The following SIPA1L2 variants were observed in gnomAD, a reference collection of about 807,000 sequenced individuals.
The protein encoded by SIPA1L2 is signal induced proliferation associated 1 like 2, also known as signal-induced proliferation-associated 1-like protein 2.
SIPA1L2 carries 56 observed loss-of-function variants against 163.9 expected under a neutral mutation model. The observed-to-expected ratio is 0.34, with a 90% CI of 0.28 to 0.43. The LOEUF (loss-of-function observed/expected upper bound fraction) is 0.43. Among genes scored for constraint, SIPA1L2 ranks in the 20% least tolerant of loss-of-function variants. The pLI, the probability that SIPA1L2 is intolerant of heterozygous loss-of-function variation, is 1.00. For missense variants in SIPA1L2, 1,974 were observed against 2,193.5 expected, an observed-to-expected ratio of 0.90 and a Z score of 2.00; for synonymous variants, 877 against 865.7, an observed-to-expected ratio of 1.01 and a Z score of -0.23.
At chr1:232,614,266 C>G (rs1006857026) in intron 1 of SIPA1L2, among the ~76,000 whole-genome samples, 1 of 151,996 alleles carries the variant, frequency 6.6e-6, no homozygotes, top group Admixed American at 6.5e-5. Flanking sequence ...AAATGTTTAC[C>G]CATTAATGGA....
chr1:232,426,664 A>G (rs1661925970), intron 17 of SIPA1L2, among the ~76,000 whole-genome samples: 3 of 152,182 alleles, frequency 2.0e-5, no homozygotes, highest in Admixed American at 2.0e-4. Context: ...CGTCTTGGAA[A>G]AAAAAAAAGT....
intron 1 of SIPA1L2, among the ~76,000 whole-genome samples, chr1:232,620,648 T>C (rs914095662): frequency 2.0e-5 from 3 of 152,234 alleles, no homozygotes; most frequent in Non-Finnish European, 4.4e-5. Flanking sequence ...CAGATTTAAC[T>C]GCCCTAAAAT....
At chr1:232,410,612 C>T (rs1225796527) in intron 19 of SIPA1L2, among the ~76,000 whole-genome samples, 1 of 151,928 alleles carries the variant, frequency 6.6e-6, no homozygotes, top group Non-Finnish European at 1.5e-5. Context: ...TAACTGTAAA[C>T]TTATTATTTT....
At chr1:232,447,130 G>A (rs1015982473) in intron 10 of SIPA1L2, among the ~76,000 whole-genome samples, 2 of 152,188 alleles carry the variant, frequency 1.3e-5, no homozygotes, top group Non-Finnish European at 2.9e-5. Flanking sequence ...AAAAAATAAT[G>A]TAAACTATCT....
chr1:232,486,421 CA>C (rs1278393738), intron 5 of SIPA1L2, among the ~76,000 whole-genome samples: 1 of 152,158 alleles, frequency 6.6e-6, no homozygotes, highest in Non-Finnish European at 1.5e-5. Context: ...GGATCTAGAA[CA>C]GGATTTGCAT....
Position 232,465,546 on chromosome 1 carries a change from A to T in SIPA1L2, c.2244-130T>A. On this transcript the variant is annotated intron_variant, in intron 8 of 22. Transcript: ENST00000674635. This position sits in a 1 kb window ranked among gnomAD's most constrained non-coding sequence, Gnocchi z 4.1. ...CACACACACACACATATACATACACACATACACACACACTTTCAACTTAAC... is the reference window on the plus strand; with the variant it reads ...CACACACACACACATATACATACACTCATACACACACACTTTCAACTTAAC... 1.3e-6 allele frequency: 1 copy of T among 743,708 alleles called. No individual in the cohort carries two copies. The allele number at this position is 743,708 out of a possible 1,614,324, so 46.1% of individuals were successfully genotyped here.
chr1:232,466,998 T>C (rs1664554366), intron 8 of SIPA1L2, among the ~76,000 whole-genome samples: 1 of 152,184 alleles, frequency 6.6e-6, no homozygotes, highest in African/African-American at 2.4e-5. Flanking sequence ...GTTTTCATCA[T>C]TGTGGAAAAT....
intron 1 of SIPA1L2, among the ~76,000 whole-genome samples, chr1:232,576,684 C>A (rs1285676): frequency 6.6e-6 from 1 of 152,104 alleles, no homozygotes; most frequent in African/African-American, 2.4e-5. Flanking sequence ...AAGCCTCTTG[C>A]GCCAAACAGC....
intron 10 of SIPA1L2, among the ~76,000 whole-genome samples, chr1:232,457,174 A>G (rs917581079): frequency 2.7e-5 from 4 of 147,104 alleles, no homozygotes; most frequent in African/African-American, 7.5e-5. Context: ...TACTTTTCCT[A>G]CTAAAGACTG....
chr1:232,528,078 T>TTATATATATATATATATATATATATATA (rs67185229), intron 2 of SIPA1L2, among the ~76,000 whole-genome samples: 32 of 96,060 alleles, frequency 3.3e-4, no homozygotes, highest in African/African-American at 7.3e-4. Context: ...TAAGCAAGTT[T>TTATATATATATATATATATATATATATA]TATATATATA....
intron 18 of SIPA1L2, among the ~76,000 whole-genome samples, chr1:232,417,318 G>A (rs1354935693): frequency 6.6e-6 from 1 of 152,044 alleles, no homozygotes; most frequent in Non-Finnish European, 1.5e-5. Context: ...TAGAAGTTGG[G>A]GTAATATTCC....
intron 1 of SIPA1L2, among the ~76,000 whole-genome samples, chr1:232,582,482 G>A (rs1324539549): frequency 2.0e-5 from 3 of 152,250 alleles, no homozygotes; most frequent in South Asian, 4.1e-4. Context: ...TATGAACGAC[G>A]TGATTTCATT....
chr1:232,584,817 T>A (rs1434934993), intron 1 of SIPA1L2, among the ~76,000 whole-genome samples: 1 of 152,110 alleles, frequency 6.6e-6, no homozygotes, highest in Non-Finnish European at 1.5e-5. Flanking sequence ...GAAGAAAAAT[T>A]AAAAAGGAAA....
At chr1:232,503,104 T>C (rs1320329782) in intron 3 of SIPA1L2, among the ~76,000 whole-genome samples, 1 of 152,078 alleles carries the variant, frequency 6.6e-6, no homozygotes, top group Non-Finnish European at 1.5e-5. Context: ...GCAGAAGATT[T>C]CCATAAAATT....
chr1:232,482,912 C>T (rs1435487001), intron 6 of SIPA1L2, among the ~76,000 whole-genome samples: 1 of 152,304 alleles, frequency 6.6e-6, no homozygotes, highest in East Asian at 1.9e-4. Flanking sequence ...CCTTCAGATC[C>T]TCCAAGTTTA....
At position 232,410,782 on chromosome 1, in the gene SIPA1L2, C is replaced by T. The variant is rs185078381; in HGVS notation, c.4762+4712G>A. 9.0e-4 allele frequency among the ~76,000 whole-genome samples: 137 copies of T among 152,122 alleles called. 1 individual carries two copies. Among genetic ancestry groups the T allele is most frequent in the Non-Finnish European group, 1.4e-3 (94 of 68,016 alleles). On this transcript the variant is annotated intron_variant, in intron 19 of 22. Coordinates refer to ENST00000674635, the MANE Select transcript of SIPA1L2 (RefSeq NM_020808.5). ...AATGTATTCCTATATAGCTACTTGA[C>T]GTTCCTTAGTAATTAAAAAAATCTC...
intron 19 of SIPA1L2, among the ~76,000 whole-genome samples, chr1:232,407,718 C>T (rs1179434937): frequency 2.0e-5 from 3 of 152,148 alleles, no homozygotes; most frequent in Non-Finnish European, 2.9e-5. Flanking sequence ...GACAGGCCTT[C>T]GTGGGGCAGC....
At chr1:232,462,028 GCTGAGGGCAGCCCCAAGCAATGGAA>G (rs1021369330) in intron 9 of SIPA1L2, among the ~76,000 whole-genome samples, 3 of 152,314 alleles carry the variant, frequency 2.0e-5, no homozygotes, top group Middle Eastern at 3.4e-3. Flanking sequence ...TCTCCTAGGG[GCTGAGGGCAGCCCCAAGCAATGGAA>G]GCCTCAGTGT....
chr1:232,493,787 T>C (rs1318305898), intron 3 of SIPA1L2, 127 bp from the exon 4 acceptor site: 5 of 1,207,734 alleles, frequency 4.1e-6, no homozygotes, highest in Non-Finnish European at 5.7e-6. Context: ...GTGATTTCCT[T>C]GTATCTGTTT....
Sources: gnomAD v4.1 joint callset for allele counts (sites outside exome capture counted in the v4.1 genomes callset) on GRCh38, gnomAD v4.1.1 for gene constraint, Gnocchi (gnomAD v3.1) non-coding constraint, MANE v1.5 for transcripts, NCBI Gene and HGNC (gene_info 2026-07-23, HGNC 2026-07-21) for gene names.